Variants in HHLA1 observed in about 807,000 individuals in gnomAD.
HHLA1 encodes HHLA1 neighbor of OC90, also known as HERV-H LTR-associating protein 1.
Under a neutral mutation model 69.9 loss-of-function variants are expected in HHLA1, and 72 were observed. The ratio of observed to expected loss-of-function variants is 1.03; its 90% confidence interval spans 0.85 to 1.25. HHLA1 has a LOEUF of 1.25. Among genes scored for constraint, HHLA1 ranks in the 50% most tolerant of loss-of-function variants. HHLA1 has a pLI of 0.00. For synonymous variants in HHLA1, 252 were observed against 233.2 expected, an observed-to-expected ratio of 1.08 and a Z score of -0.73; for missense variants, 685 against 642.2, an observed-to-expected ratio of 1.07 and a Z score of -0.72.
At chr8:132,081,055 C>G (rs1823745002) in intron 10 of HHLA1, 1 of 152,134 alleles carries the variant, frequency 6.6e-6, no homozygotes, top group Admixed American at 6.5e-5. Flanking sequence ...TAAGGAGATT[C>G]AGCATAGTCC....
At chr8:132,109,230 C>T (rs1824257182) in intron 1 of HHLA1, among the ~76,000 whole-genome samples, 1 of 152,156 alleles carries the variant, frequency 6.6e-6, no homozygotes, top group South Asian at 2.1e-4. Flanking sequence ...TGGTCTTGAA[C>T]TCAGTCAAAA....
intron 3 of HHLA1, among the ~76,000 whole-genome samples, chr8:132,100,379 G>T (rs975463789): frequency 6.6e-6 from 1 of 152,086 alleles, no homozygotes; most frequent in Non-Finnish European, 1.5e-5. Flanking sequence ...GATACAGGGG[G>T]TCTAATTTAC....
At chr8:132,096,905 GCTCCAGTAATCCTCCCACCTCAGC>G (rs1165317449) in intron 5 of HHLA1, among the ~76,000 whole-genome samples, 1 of 151,972 alleles carries the variant, frequency 6.6e-6, no homozygotes, top group Non-Finnish European at 1.5e-5. Flanking sequence ...CACCTCTCAG[GCTCCAGTAATCCTCCCACCTCAGC>G]CTCCCAAAGC....
rs1018957527 is a variant in HHLA1 at position 132,089,265 on chromosome 8, G to A, written c.532+251C>T. 4.6e-5 allele frequency among the ~76,000 whole-genome samples: 7 copies of A among 152,258 alleles called. No individual in the cohort carries two copies. The East Asian group carries it at 1.2e-3, about 25-fold the overall frequency. ...CAGATGTTTTCTTGAGTCTGCCTAC[G>A]TTCCTTAAACTTTTGAGCTTTGGAT... On this transcript the variant is annotated intron_variant, in intron 8 of 16. Transcript: ENST00000414222.
chr8:132,076,650 G>A (rs1823649887), intron 12 of HHLA1, 107 bp from the exon 13 acceptor site: 9 of 604,864 alleles, frequency 1.5e-5, no homozygotes, highest in Non-Finnish European at 2.4e-5. Context: ...TGTTGGTTAA[G>A]CCAGGTACCA....
At chr8:132,078,192 A>G (rs1052350726) in intron 11 of HHLA1, among the ~76,000 whole-genome samples, 1 of 151,838 alleles carries the variant, frequency 6.6e-6, no homozygotes, top group African/African-American at 2.4e-5. Context: ...ACACACACAC[A>G]CACACACACA....
chr8:132,104,118 T>C lies in HHLA1; in HGVS notation c.129A>G (p.Leu43=). ...TTATCACCCACTTACCTGTTGTAGG[T>C]AAAAAGGTCATTCCCTTCTCTTTCT... is the stretch of plus-strand genomic sequence containing the variant. The part of the protein sequence containing the change: ...EAKKEKGMTF[L]PTTVSGLREE... Residue 43 remains leucine, a synonymous_variant, in exon 3 of 17, where the codon TTA becomes TTG. Coordinates refer to ENST00000414222, the MANE Select transcript of HHLA1 (RefSeq NM_001145095.3). 1 of 1,550,670 alleles carries C rather than the reference T, an allele frequency of 6.4e-7. No individual in the cohort carries two copies. The highest frequency in any genetic ancestry group is 1.2e-5 in the South Asian group (1 of 84,018).
intron 6 of HHLA1, 49 bp from the exon 7 acceptor site, chr8:132,095,651 T>C: frequency 6.5e-7 from 1 of 1,528,908 alleles, no homozygotes; most frequent in Non-Finnish European, 8.9e-7. Context: ...AGACCAGCCC[T>C]GCAACACATC....
intron 7 of HHLA1, among the ~76,000 whole-genome samples, chr8:132,093,223 G>T (rs1214352118): frequency 6.6e-6 from 1 of 152,152 alleles, no homozygotes; most frequent in Non-Finnish European, 1.5e-5. Flanking sequence ...GCCTTGGATA[G>T]CATTTATTAG....
chr8:132,067,187 A>G (rs1301434551), intron 15 of HHLA1, among the ~76,000 whole-genome samples: 1 of 152,206 alleles, frequency 6.6e-6, no homozygotes, highest in Non-Finnish European at 1.5e-5. Flanking sequence ...AACTGGAACC[A>G]CAGAGGAAAT....
intron 1 of HHLA1, among the ~76,000 whole-genome samples, chr8:132,110,373 C>T (rs754045658): frequency 4.7e-4 from 72 of 152,148 alleles, no homozygotes; most frequent in Non-Finnish European, 7.8e-4. Flanking sequence ...GCAGGGGCAG[C>T]CCTGGACTTC....
At chr8:132,094,817 A>C (rs565993154) in intron 7 of HHLA1, among the ~76,000 whole-genome samples, 1 of 152,252 alleles carries the variant, frequency 6.6e-6, no homozygotes, top group Admixed American at 6.5e-5. Context: ...TGCTTTCCCC[A>C]CACCTAGAAG....
chr8:132,079,755 G>A lies in HHLA1; in HGVS notation c.888C>T (p.Ala296=). 1 of 1,551,534 alleles carries A rather than the reference G, an allele frequency of 6.4e-7. No homozygotes were observed. Among genetic ancestry groups the A allele is most frequent in the Non-Finnish European group, 8.7e-7 (1 of 1,146,900 alleles). The change falls in exon 11 of 17, where the codon GCC becomes GCT. Residue 296 remains alanine (A), a synonymous_variant. Transcript: ENST00000414222. ...GAGTGTGGGAGGCACTGAACCATGT[G>A]GCTGTGGCCCTGGCTGGAAGCTCAG... The part of the protein sequence containing the change: ...RPPELPARAT[A]TWFSASHTLP...
intron 5 of HHLA1, among the ~76,000 whole-genome samples, chr8:132,096,619 G>C (rs950819222): frequency 1.3e-5 from 2 of 152,080 alleles, no homozygotes; most frequent in Non-Finnish European, 2.9e-5. Flanking sequence ...TATATCTGGA[G>C]CACAGTGCAG....
intron 10 of HHLA1, 149 bp from the exon 11 acceptor site, chr8:132,080,115 CA>C: frequency 1.9e-6 from 2 of 1,079,766 alleles, no homozygotes; most frequent in Non-Finnish European, 2.8e-6. Context: ...GTTTCCTGAA[CA>C]GATTCTGACC....
intron 11 of HHLA1, among the ~76,000 whole-genome samples, chr8:132,078,769 C>G (rs1227632083): frequency 1.3e-5 from 2 of 152,076 alleles, no homozygotes; most frequent in Middle Eastern, 3.2e-3. Flanking sequence ...TAACAGCTAG[C>G]CTCCTGTCTG....
intron 5 of HHLA1, among the ~76,000 whole-genome samples, chr8:132,098,327 A>G (rs75123466): frequency 0.02 from 3,123 of 152,350 alleles, 116 homozygotes; most frequent in African/African-American, 0.072. Context: ...TTAATCAATG[A>G]GTAATTATTG....
chr8:132,100,991 T>C (rs575192022), intron 3 of HHLA1, among the ~76,000 whole-genome samples: 1 of 152,322 alleles, frequency 6.6e-6, no homozygotes, highest in South Asian at 2.1e-4. Flanking sequence ...TTTTATTAAA[T>C]TAAATGAGAC....
rs150000974 is a variant in HHLA1 at position 132,068,476 on chromosome 8, T to A, written c.1470-2508A>T. 7.2e-3 allele frequency among the ~76,000 whole-genome samples: 1,099 copies of A among 152,306 alleles called. 16 individuals carry two copies. The highest frequency in any genetic ancestry group is 0.025 in the African/African-American group (1,046 of 41,558). The stretch of plus-strand genomic sequence containing the variant: ...TCCTGTTCATAACAAGAATATGTAT[T>A]CCTCACATGGACTGGAAGAGGCATT... On this transcript the variant is annotated intron_variant, in intron 15 of 16. Transcript: ENST00000414222.
Sources: gnomAD v4.1 joint callset for allele counts (sites outside exome capture counted in the v4.1 genomes callset) on GRCh38, gnomAD v4.1.1 for gene constraint, MANE v1.5 for transcripts, NCBI Gene and HGNC (gene_info 2026-07-23, HGNC 2026-07-21) for gene names.